Variants in EYS observed in about 807,000 individuals in gnomAD.
EYS encodes EGF-like photoreceptor maintenance factor, also known as protein eyes shut homolog.
A neutral mutation model predicts 282.1 loss-of-function variants in EYS; 250 were observed. That is an observed-to-expected ratio of 0.89 (90% CI 0.80 to 0.98). The LOEUF (loss-of-function observed/expected upper bound fraction) is 0.98. EYS is among the 50% of genes least tolerant of loss of function. EYS has a pLI of 0.00. For synonymous variants in EYS, 1,355 were observed against 1,282.9 expected, an observed-to-expected ratio of 1.06 and a Z score of -1.20; for missense variants, 4,016 against 3,709.0, an observed-to-expected ratio of 1.08 and a Z score of -2.15.
intron 31 of EYS, among the ~76,000 whole-genome samples, chr6:64,104,747 C>CTTT (rs11374423): frequency 0.021 from 2,853 of 133,524 alleles, 69 homozygotes; most frequent in African/African-American, 0.045. Context: ...TTCTGGCAAG[C>CTTT]TTTTTTTTTT....
intron 8 of EYS, among the ~76,000 whole-genome samples, chr6:65,381,589 C>T (rs541665328): frequency 4.6e-4 from 70 of 151,824 alleles, no homozygotes; most frequent in African/African-American, 1.5e-3. Context: ...ACCAATGTAA[C>T]GAACGTTTAC....
intron 12 of EYS, among the ~76,000 whole-genome samples, chr6:65,230,273 G>T (rs561199504): frequency 6.6e-6 from 1 of 151,734 alleles, no homozygotes; most frequent in East Asian, 1.9e-4. Context: ...ACTGTGTTTT[G>T]TTCCATAACT....
chr6:65,495,495 G>T lies in EYS; in HGVS notation c.-85C>A. 1 of 1,458,152 alleles carries T rather than the reference G, an allele frequency of 6.9e-7. No individual in the cohort carries two copies. The highest frequency in any genetic ancestry group is 9.4e-7 in the Non-Finnish European group (1 of 1,062,616). The allele number at this position is 1,458,152 out of a possible 1,614,324, so 90.3% of individuals were successfully genotyped here. A position where few individuals can be genotyped will look rare whatever the true frequency, so the allele number is the denominator to read the frequency against. ...GTATTACCGGAAATTTCCAAGTAAA[G>T]TTGTGGTTAAGGATTCCTGGGAATT... On this transcript the variant is annotated 5_prime_UTR_variant, in exon 4 of 43. Transcript: ENST00000503581.
At chr6:64,581,616 TA>T (rs1401143625) in intron 26 of EYS, among the ~76,000 whole-genome samples, 1 of 152,150 alleles carries the variant, frequency 6.6e-6, no homozygotes, top group African/African-American at 2.4e-5. Flanking sequence ...CAAAATTACA[TA>T]ATTCATATTT....
At chr6:64,555,441 C>T (rs1042292333) in intron 26 of EYS, among the ~76,000 whole-genome samples, 2 of 151,718 alleles carry the variant, frequency 1.3e-5, no homozygotes. Flanking sequence ...TATGACACAG[C>T]GACTATAGTT....
At chr6:64,130,254 G>T (rs1773926811) in intron 31 of EYS, among the ~76,000 whole-genome samples, 1 of 152,212 alleles carries the variant, frequency 6.6e-6, no homozygotes, top group Non-Finnish European at 1.5e-5. Context: ...CGATCGACTG[G>T]ATTAAGAAAG....
At chr6:64,205,005 A>T (rs1375399021) in intron 31 of EYS, among the ~76,000 whole-genome samples, 1 of 152,122 alleles carries the variant, frequency 6.6e-6, no homozygotes, top group Non-Finnish European at 1.5e-5. Context: ...ATTTCTGGTA[A>T]ATTGTTAACA....
At chr6:65,617,388 T>G (rs1766241288) in intron 2 of EYS, among the ~76,000 whole-genome samples, 1 of 152,120 alleles carries the variant, frequency 6.6e-6, no homozygotes, top group Non-Finnish European at 1.5e-5. Flanking sequence ...TCAAAAACTA[T>G]TCTATCATTC....
At chr6:64,136,899 C>T (rs974400826) in intron 31 of EYS, among the ~76,000 whole-genome samples, 1 of 152,154 alleles carries the variant, frequency 6.6e-6, no homozygotes, top group Non-Finnish European at 1.5e-5. Flanking sequence ...GATTCCCTAA[C>T]AAGAAAGTCA....
chr6:64,211,623 G>GGATTA (rs1765775425), intron 31 of EYS, among the ~76,000 whole-genome samples: 1 of 144,838 alleles, frequency 6.9e-6, no homozygotes, highest in East Asian at 2.0e-4. Flanking sequence ...GCATATATAT[G>GGATTA]AATTAAATTT....
At chr6:64,964,590 G>A (rs569346429) in intron 14 of EYS, among the ~76,000 whole-genome samples, 1 of 152,036 alleles carries the variant, frequency 6.6e-6, no homozygotes, top group Non-Finnish European at 1.5e-5. Flanking sequence ...TCACAGTGGC[G>A]GCACCAGCAA....
intron 12 of EYS, among the ~76,000 whole-genome samples, chr6:65,271,151 T>TATATATATATATATATATATATGA (rs1767892097): frequency 7.2e-6 from 1 of 138,380 alleles, no homozygotes; most frequent in South Asian, 2.3e-4. Flanking sequence ...TATATATATA[T>TATATATATATATATATATATATGA]ATGAAGATTT....
chr6:65,299,491 G>C (rs1019272915), intron 11 of EYS, among the ~76,000 whole-genome samples: 1 of 151,896 alleles, frequency 6.6e-6, no homozygotes, highest in Non-Finnish European at 1.5e-5. Flanking sequence ...GGAAAGTGTC[G>C]CTTCTGATGC....
At chr6:65,557,534 C>A (rs533293934) in intron 2 of EYS, among the ~76,000 whole-genome samples, 1 of 152,168 alleles carries the variant, frequency 6.6e-6, no homozygotes, top group African/African-American at 2.4e-5. Context: ...CCAGGAACTG[C>A]GGAGCCCCAA....
At chr6:64,312,678 G>A (rs1413444890) in intron 29 of EYS, among the ~76,000 whole-genome samples, 1 of 152,200 alleles carries the variant, frequency 6.6e-6, no homozygotes, top group Non-Finnish European at 1.5e-5. Flanking sequence ...AGCTTCCAGA[G>A]GAAGGAACAG....
At chr6:65,340,337 T>C (rs1016073812) in intron 10 of EYS, among the ~76,000 whole-genome samples, 2 of 151,064 alleles carry the variant, frequency 1.3e-5, no homozygotes, top group African/African-American at 4.8e-5. Context: ...TAAAAGGACC[T>C]CACTCAGAGA....
At chr6:65,467,117 T>G (rs2150413831) in intron 5 of EYS, among the ~76,000 whole-genome samples, 1 of 152,268 alleles carries the variant, frequency 6.6e-6, no homozygotes, top group South Asian at 2.1e-4. Flanking sequence ...TTGGACTATT[T>G]TTAAAACCAT....
chr6:64,709,837 C>A (rs1207960372), intron 22 of EYS, among the ~76,000 whole-genome samples: 7 of 152,162 alleles, frequency 4.6e-5, no homozygotes, highest in African/African-American at 7.2e-5. Context: ...TGAGCAACTG[C>A]AAACTGGTGA....
At chr6:64,383,302 AAAAC>A (rs1269368161) in intron 29 of EYS, among the ~76,000 whole-genome samples, 3 of 152,142 alleles carry the variant, frequency 2.0e-5, no homozygotes, top group East Asian at 1.9e-4. Context: ...AACCTGTCTC[AAAAC>A]AAACAAACAA....
Sources: gnomAD v4.1 joint callset for allele counts (sites outside exome capture counted in the v4.1 genomes callset) on GRCh38, gnomAD v4.1.1 for gene constraint, MANE v1.5 for transcripts, NCBI Gene and HGNC (gene_info 2026-07-23, HGNC 2026-07-21) for gene names.